Variants in LRP12 observed in about 807,000 individuals in gnomAD.
LRP12 encodes the protein LDL receptor related protein 12.
LRP12 carries 14 observed loss-of-function variants against 66.0 expected under a neutral mutation model. The ratio of observed to expected loss-of-function variants is 0.21; its 90% confidence interval spans 0.14 to 0.33. The LOEUF (loss-of-function observed/expected upper bound fraction) is 0.33, where lower values mean the gene tolerates loss of function less well. LRP12 is among the 10% of genes least tolerant of loss of function. The pLI, the probability that LRP12 is intolerant of heterozygous loss-of-function variation, is 1.00. For missense variants in LRP12, 889 were observed against 1,053.4 expected (o/e 0.84, Z 2.16); for synonymous variants, 357 against 359.1 (o/e 0.99, Z 0.07).
At position 104,495,136 on chromosome 8, in the gene LRP12, A is replaced by G. The variant is rs1056217199; in HGVS notation, c.1654T>C (p.Leu552=). The G allele has an allele frequency of 6.2e-7, 1 of 1,613,938 alleles. No homozygotes were observed. Among genetic ancestry groups the G allele is most frequent in the Admixed American group, 1.7e-5 (1 of 60,030 alleles). Residue 552 remains leucine (L), a synonymous_variant, in exon 6 of 7, where the codon TTG becomes CTG. Coordinates refer to ENST00000276654, the MANE Select transcript of LRP12 (RefSeq NM_013437.5). ...RREAPPSYGQ[L]IAQGLIPPVE... Reference sequence around the variant, plus strand: ...GGTGGAATTAAACCCTGAGCAATCAATTGTCCATACGAGGGAGGAGCTTCT... The same window carrying G: ...GGTGGAATTAAACCCTGAGCAATCAGTTGTCCATACGAGGGAGGAGCTTCT...
intron 1 of LRP12, among the ~76,000 whole-genome samples, chr8:104,586,686 C>T (rs1290245522): frequency 6.6e-5 from 10 of 152,172 alleles, no homozygotes; most frequent in Admixed American, 5.2e-4. Flanking sequence ...TTGTTACAGC[C>T]CTTTTTCACT....
At chr8:104,585,996 C>G (rs556430518) in intron 1 of LRP12, among the ~76,000 whole-genome samples, 208 of 152,288 alleles carry the variant, frequency 1.4e-3, no homozygotes, top group Non-Finnish European at 2.6e-3. Context: ...TAGGACAATG[C>G]GTAGCAAAGC....
chr8:104,548,026 TATATA>T (rs1159304443), intron 1 of LRP12, among the ~76,000 whole-genome samples: 2 of 122,816 alleles, frequency 1.6e-5, no homozygotes, highest in East Asian at 2.3e-4. Flanking sequence ...TTATATTTTG[TATATA>T]ATATATAATT....
chr8:104,549,519 C>T (rs1294309494), intron 1 of LRP12, among the ~76,000 whole-genome samples: 1 of 150,878 alleles, frequency 6.6e-6, no homozygotes, highest in Non-Finnish European at 1.5e-5. Flanking sequence ...TCTCCTGCCT[C>T]AGCCTCCCAA....
intron 4 of LRP12, 72 bp from the exon 5 acceptor site, chr8:104,498,148 G>A (rs1336730571): frequency 1.5e-6 from 2 of 1,329,940 alleles, no homozygotes; most frequent in Non-Finnish European, 2.0e-6. Context: ...ACATAAAACA[G>A]CAAGTGATAT....
At chr8:104,575,885 C>T (rs7824866) in intron 1 of LRP12, among the ~76,000 whole-genome samples, 8,887 of 152,060 alleles carry the variant, frequency 0.058, 724 homozygotes, top group African/African-American at 0.19. Flanking sequence ...GATAAAACAA[C>T]GCTGGAACTG....
chr8:104,585,918 T>C (rs1479803273), intron 1 of LRP12, among the ~76,000 whole-genome samples: 3 of 152,188 alleles, frequency 2.0e-5, no homozygotes, highest in Admixed American at 6.5e-5. Context: ...GAAACTCCCA[T>C]AGATTTGTAA....
intron 1 of LRP12, among the ~76,000 whole-genome samples, chr8:104,567,294 A>G (rs2140891703): frequency 6.6e-6 from 1 of 152,290 alleles, no homozygotes; most frequent in Non-Finnish European, 1.5e-5. Flanking sequence ...GGCGGGAGGC[A>G]AAAGGCACTT....
At chr8:104,552,687 C>T (rs1164938260) in intron 1 of LRP12, among the ~76,000 whole-genome samples, 1 of 151,988 alleles carries the variant, frequency 6.6e-6, no homozygotes, top group African/African-American at 2.4e-5. Flanking sequence ...TATCCTTTTT[C>T]ACATAATTGA....
At chr8:104,580,121 C>T (rs7460627) in intron 1 of LRP12, among the ~76,000 whole-genome samples, 1,807 of 152,212 alleles carry the variant, frequency 0.012, 57 homozygotes, top group East Asian at 0.1. Flanking sequence ...GCAAAGGAAA[C>T]GGTCAACAGA....
At chr8:104,506,662 C>T (rs1810913051) in intron 3 of LRP12, 1 of 152,136 alleles carries the variant, frequency 6.6e-6, no homozygotes, top group South Asian at 2.1e-4. Flanking sequence ...ATTTTTCAGC[C>T]TCCTGTCTGG....
chr8:104,518,509 A>C (rs1454083209), intron 2 of LRP12, among the ~76,000 whole-genome samples: 1 of 152,084 alleles, frequency 6.6e-6, no homozygotes, highest in Non-Finnish European at 1.5e-5. Flanking sequence ...GAGCCGTTTC[A>C]ATAGCATTTA....
intron 2 of LRP12, among the ~76,000 whole-genome samples, chr8:104,526,908 G>A (rs1408221699): frequency 5.5e-5 from 8 of 144,574 alleles, no homozygotes; most frequent in African/African-American, 2.2e-4. Context: ...CTACAAAATG[G>A]GAGAAAATTT....
At chr8:104,549,342 G>C (rs569681841) in intron 1 of LRP12, among the ~76,000 whole-genome samples, 22 of 150,982 alleles carry the variant, frequency 1.5e-4, no homozygotes, top group Admixed American at 1.3e-3. Context: ...TGTGGAAACG[G>C]ATACCAATGA....
chr8:104,576,931 A>C (rs981178615), intron 1 of LRP12, among the ~76,000 whole-genome samples: 12 of 152,184 alleles, frequency 7.9e-5, no homozygotes, highest in Admixed American at 6.5e-5. Context: ...CAAATGGAAA[A>C]AAGAAAAAAG....
In LRP12 at chr8:104,588,456, TCA is replaced by T. The variant is rs1461183269; in HGVS notation, c.79+361_79+362del. Among the ~76,000 whole-genome samples the T allele has an allele frequency of 6.6e-5, 10 of 152,242 alleles. No individual in the cohort carries two copies. The East Asian group carries it at 1.9e-3, about 29-fold the overall frequency. On this transcript the variant is annotated intron_variant, in intron 1 of 6. Transcript: ENST00000276654. Reference sequence around the variant, plus strand: ...GGCGGGGGCGAGCTCCTCTGCTTTCTCACAGTCAAGCATCTTTGTGTGTGGAT... The same window carrying T: ...GGCGGGGGCGAGCTCCTCTGCTTTCTCAGTCAAGCATCTTTGTGTGTGGAT...
intron 3 of LRP12, among the ~76,000 whole-genome samples, chr8:104,500,626 C>G (rs972762469): frequency 6.6e-6 from 1 of 152,184 alleles, no homozygotes; most frequent in African/African-American, 2.4e-5. Flanking sequence ...TCTCTTGAAC[C>G]TGGGAGACAG....
intron 1 of LRP12, among the ~76,000 whole-genome samples, chr8:104,544,315 TA>T (rs2140872829): frequency 6.6e-6 from 1 of 152,214 alleles, no homozygotes; most frequent in East Asian, 1.9e-4. Context: ...CTACATAACA[TA>T]AAAGTGCAAG....
At chr8:104,567,857 T>C (rs1305778536) in intron 1 of LRP12, among the ~76,000 whole-genome samples, 1 of 152,230 alleles carries the variant, frequency 6.6e-6, no homozygotes, top group Non-Finnish European at 1.5e-5. Context: ...AAATATGCTC[T>C]ACAGATTCCA....
Sources: gnomAD v4.1 joint callset for allele counts (sites outside exome capture counted in the v4.1 genomes callset) on GRCh38, gnomAD v4.1.1 for gene constraint, MANE v1.5 for transcripts, NCBI Gene and HGNC (gene_info 2026-07-23, HGNC 2026-07-21) for gene names.